CHRDL1: variants seen among roughly 807,000 people sequenced by gnomAD.
The protein encoded by CHRDL1 is chordin like 1.
CHRDL1 carries 19 observed loss-of-function variants against 40.9 expected under a neutral mutation model. That is an observed-to-expected ratio of 0.46 (90% CI 0.32 to 0.68). The LOEUF (loss-of-function observed/expected upper bound fraction) is 0.68, where lower values mean the gene tolerates loss of function less well. Among genes scored for constraint, CHRDL1 ranks in the 30% least tolerant of loss-of-function variants. The pLI is 0.03. For missense variants in CHRDL1, 329 were observed against 352.1 expected, an observed-to-expected ratio of 0.93 and a Z score of 0.53; for synonymous variants, 136 against 123.4, an observed-to-expected ratio of 1.10 and a Z score of -0.68.
intron 9 of CHRDL1, among the ~76,000 whole-genome samples, chrX:110,686,901 A>AC (rs1203093505): frequency 3.7e-5 from 4 of 106,929 alleles, no homozygotes; most frequent in African/African-American, 1.4e-4. Flanking sequence ...CAAAAAATAA[A>AC]AAAAAAAATA....
intron 2 of CHRDL1, among the ~76,000 whole-genome samples, chrX:110,763,355 A>G (rs918622095): frequency 9.2e-6 from 1 of 108,347 alleles, no homozygotes; most frequent in African/African-American, 3.4e-5. Context: ...TAGCTCCCAC[A>G]TATCAGTGAG....
rs1175702235 is a variant in CHRDL1, at chrX:110,676,347, A to G, written c.1261T>C (p.Phe421Leu). 1 of 1,210,811 alleles carries G rather than the reference A, an allele frequency of 8.3e-7. No individual in the cohort carries two copies. The highest frequency in any genetic ancestry group is 1.1e-6 in the Non-Finnish European group (1 of 894,829). The change falls in exon 12 of 12, where the codon TTC becomes CTC. Residue 421 changes from phenylalanine to leucine, a missense_variant. Phe to Leu is a conservative substitution (Grantham distance 22). Transcript: ENST00000372042. ...TRTTLSQWKIFTEGEAQISQM... is the reference protein window; with the variant it reads ...TRTTLSQWKILTEGEAQISQM... Reference sequence around the variant, plus strand: ...CTGATCTGAGCTTCTCCTTCGGTGAAGATCTTCCACTGGCCTAAAAGGCAA... The same window carrying G: ...CTGATCTGAGCTTCTCCTTCGGTGAGGATCTTCCACTGGCCTAAAAGGCAA...
At chrX:110,766,710 CAA>C (rs35153606) in intron 2 of CHRDL1, among the ~76,000 whole-genome samples, 1 of 108,897 alleles carries the variant, frequency 9.2e-6, no homozygotes, top group African/African-American at 3.3e-5. Context: ...AAATTACCAA[CAA>C]AAAAAAGTCC....
rs756720448 is a variant in CHRDL1 at position 110,773,329 on chromosome X, T to C, written c.95-10522A>G. ...TAAAATTTCTCTTGAGACTTCTTCT[T>C]TGACCCATGTGCGATTTAGAAGTGT... On this transcript the variant is annotated intron_variant, in intron 2 of 11. Coordinates refer to ENST00000372042, the MANE Select transcript of CHRDL1 (RefSeq NM_001143981.2). 3.6e-5 allele frequency among the ~76,000 whole-genome samples: 4 copies of C among 112,304 alleles called. No homozygotes were observed. The East Asian group carries it at 1.1e-3, about 31-fold the overall frequency.
At chrX:110,717,876 T>C (rs1207612156) in intron 6 of CHRDL1, among the ~76,000 whole-genome samples, 2 of 112,019 alleles carry the variant, frequency 1.8e-5, no homozygotes, top group African/African-American at 3.2e-5. Context: ...TCTAACTCAG[T>C]GGTTCACAAC....
chrX:110,723,446 C>T (rs2071000528), intron 4 of CHRDL1, among the ~76,000 whole-genome samples: 1 of 111,708 alleles, frequency 9.0e-6, no homozygotes, highest in African/African-American at 3.3e-5. Flanking sequence ...CTCATTGGCT[C>T]TTACTAATAA....
intron 8 of CHRDL1, among the ~76,000 whole-genome samples, chrX:110,690,686 A>G (rs1263895452): frequency 9.0e-6 from 1 of 111,337 alleles, no homozygotes; most frequent in African/African-American, 3.3e-5. Flanking sequence ...AAGGAAAGTG[A>G]TAAGTCAAGA....
At chrX:110,733,950 A>AG (rs2071217164) in intron 4 of CHRDL1, among the ~76,000 whole-genome samples, 1 of 108,748 alleles carries the variant, frequency 9.2e-6, no homozygotes, top group Non-Finnish European at 1.9e-5. Context: ...AAAAAAAAAA[A>AG]AAAAAAAGGA....
Position 110,721,422 on chromosome X carries a change from T to G in CHRDL1, c.410A>C (p.Asn137Thr), listed in dbSNP as rs2070950130. ...ELFVAEGLFQ[N>T]RQPNQCTQCS... is the part of the protein sequence containing the mutation. ...CTGGGTGCATTGATTGGGTTGCCGA[T>G]TCTGAAAGAGCCCTTCAGCTACGAA... The change falls in exon 5 of 12, where the codon AAT becomes ACT. Residue 137 changes from asparagine to threonine, a missense_variant. Physicochemically the swap from Asn to Thr is moderately conservative, Grantham distance 65 (BLOSUM62 0). Transcript: ENST00000372042. 8.3e-7 allele frequency: 1 copy of G among 1,209,197 alleles called. No homozygotes were observed. Among genetic ancestry groups the G allele is most frequent in the Non-Finnish European group, 1.1e-6 (1 of 894,198 alleles).
intron 3 of CHRDL1, among the ~76,000 whole-genome samples, chrX:110,761,931 G>A (rs995364385): frequency 1.8e-5 from 2 of 112,541 alleles, no homozygotes; most frequent in African/African-American, 6.4e-5. Context: ...ACAGGCCAAC[G>A]TTTCACAAAC....
chrX:110,726,118 T>C (rs934543103), intron 4 of CHRDL1, among the ~76,000 whole-genome samples: 1 of 111,241 alleles, frequency 9.0e-6, no homozygotes, highest in African/African-American at 3.3e-5. Context: ...GCTGTTTCTA[T>C]GTGCGTATCT....
At chrX:110,721,274 C>G (rs148522143) in intron 5 of CHRDL1, 111 bp downstream of exon 5, 54 of 740,966 alleles carry the variant, frequency 7.3e-5, no homozygotes, top group Middle Eastern at 7.9e-4. Context: ...TAATGCAAGT[C>G]ATGTTTTATT....
At chrX:110,710,943 AC>A (rs889532379) in intron 6 of CHRDL1, among the ~76,000 whole-genome samples, 1 of 111,109 alleles carries the variant, frequency 9.0e-6, no homozygotes, top group Non-Finnish European at 1.9e-5. Flanking sequence ...TGGTTCCACG[AC>A]CCCCCACAGA....
At chrX:110,700,257 G>A in intron 7 of CHRDL1, among the ~76,000 whole-genome samples, 1 of 111,081 alleles carries the variant, frequency 9.0e-6, no homozygotes, top group Non-Finnish European at 1.9e-5. Context: ...AGTTTATGTG[G>A]ACATGTCTGA....
chrX:110,765,154 C>A (rs1219537770), intron 2 of CHRDL1, among the ~76,000 whole-genome samples: 1 of 110,927 alleles, frequency 9.0e-6, no homozygotes, highest in Non-Finnish European at 1.9e-5. Context: ...GATCTTGTGA[C>A]CTACTCCCTG....
intron 7 of CHRDL1, among the ~76,000 whole-genome samples, chrX:110,698,259 AACAAAT>A (rs1353809682): frequency 1.6e-4 from 18 of 111,239 alleles, no homozygotes; most frequent in Non-Finnish European, 1.9e-5. Context: ...AAGAGCAAAC[AACAAAT>A]TTGAAGAGTT....
chrX:110,738,987 C>T (rs1382421257), intron 4 of CHRDL1, among the ~76,000 whole-genome samples: 2 of 111,399 alleles, frequency 1.8e-5, no homozygotes, highest in African/African-American at 6.5e-5. Context: ...CACGTTCCTG[C>T]CCCAGGATAC....
chrX:110,760,351 A>G (rs1433159994), intron 3 of CHRDL1, among the ~76,000 whole-genome samples: 1 of 112,364 alleles, frequency 8.9e-6, no homozygotes, highest in African/African-American at 3.2e-5. Context: ...CTGATTTACA[A>G]TTACAAGACC....
intron 1 of CHRDL1, among the ~76,000 whole-genome samples, chrX:110,794,936 C>T (rs1380408218): frequency 8.9e-6 from 1 of 112,386 alleles, no homozygotes; most frequent in Non-Finnish European, 1.9e-5. Context: ...AATCCTCTCC[C>T]CACTCTACCA....
Sources: allele counts gnomAD v4.1 joint callset (sites outside exome capture counted in the v4.1 genomes callset), GRCh38; gene constraint gnomAD v4.1.1; transcripts MANE v1.5; gene names NCBI Gene and HGNC (gene_info 2026-07-23, HGNC 2026-07-21).